Variants in MIB1 observed in about 807,000 individuals in gnomAD.
MIB1 encodes MIB E3 ubiquitin protein ligase 1, also known as E3 ubiquitin-protein ligase MIB1.
A neutral mutation model predicts 124.5 loss-of-function variants in MIB1; 278 were observed. That is an observed-to-expected ratio of 2.23 (90% CI 2.02 to 2.47). The LOEUF (loss-of-function observed/expected upper bound fraction) is 2.47, where lower values mean the gene tolerates loss of function less well. MIB1 is among the 30% of genes most tolerant of loss of function. The pLI, the probability that MIB1 is intolerant of heterozygous loss-of-function variation, is 0.00. For missense variants in MIB1, 957 were observed against 1,254.4 expected (o/e 0.76, Z 3.58); for synonymous variants, 446 against 429.4 (o/e 1.04, Z -0.48).
rs2040852198 is a variant in MIB1 at position 21,741,582 on chromosome 18, CG to C, written c.-1del. ...GCGGCGGAGCCCACCGCCCGGGCCCCGATGAGTAACTCCCGGAATAACCGGG... is the reference window on the plus strand; with the variant it reads ...GCGGCGGAGCCCACCGCCCGGGCCCCATGAGTAACTCCCGGAATAACCGGG... On this transcript the variant is annotated 5_prime_UTR_variant, in exon 1 of 21. Transcript: ENST00000261537. The surrounding 1 kb of genome is among the most constrained non-coding windows in gnomAD (Gnocchi z 5.4). 6.7e-7 allele frequency: 1 copy of C among 1,492,140 alleles called. No homozygotes were observed. Among genetic ancestry groups the C allele is most frequent in the Non-Finnish European group, 8.9e-7 (1 of 1,123,398 alleles). The allele number at this position is 1,492,140 out of a possible 1,614,324, so 92.4% of individuals were successfully genotyped here.
intron 4 of MIB1, among the ~76,000 whole-genome samples, chr18:21,777,657 C>T (rs868756890): frequency 4.6e-5 from 7 of 152,002 alleles, no homozygotes; most frequent in South Asian, 2.1e-4. Flanking sequence ...CGGGTTCAAG[C>T]GATTCTCCTG....
chr18:21,800,137 C>T (rs1338050778), intron 9 of MIB1, among the ~76,000 whole-genome samples, 163 bp downstream of exon 9: 3 of 151,974 alleles, frequency 2.0e-5, no homozygotes, highest in African/African-American at 7.2e-5. Context: ...CTTCAGTGTG[C>T]ATTTCTAAAA....
At chr18:21,864,433 TA>T in intron 20 of MIB1, 92 bp from the exon 21 acceptor site, 1 of 1,031,394 alleles carries the variant, frequency 9.7e-7, no homozygotes, top group Non-Finnish European at 1.4e-6. Context: ...ATTATTTGAC[TA>T]AAACAACTAA....
At chr18:21,851,896 A>G (rs548120951) in intron 17 of MIB1, among the ~76,000 whole-genome samples, 91 of 152,270 alleles carry the variant, frequency 6.0e-4, no homozygotes, top group African/African-American at 2.1e-3. Flanking sequence ...ATAGGTACAG[A>G]TATGGTTTTT....
chr18:21,783,227 A>G lies in MIB1; in HGVS notation c.908+3542A>G, dbSNP rs539056741. The stretch of plus-strand genomic sequence containing the variant: ...TCATTTAAACAATTTTCTTTTACCC[A>G]TTCAGCCACTCTATGCCTTTTTTTT... On this transcript the variant is annotated intron_variant, in intron 6 of 20. Coordinates refer to ENST00000261537, the MANE Select transcript of MIB1 (RefSeq NM_020774.4). Among the ~76,000 whole-genome samples, 126 of 148,090 alleles carry G rather than the reference A, an allele frequency of 8.5e-4. 1 individual carries two copies. Among genetic ancestry groups the G allele is most frequent in the Middle Eastern group, 7.2e-3 (2 of 278 alleles).
chr18:21,786,539 C>A (rs1379469609), intron 6 of MIB1, among the ~76,000 whole-genome samples: 3 of 151,752 alleles, frequency 2.0e-5, no homozygotes, highest in Non-Finnish European at 4.4e-5. Context: ...GCTTCTTACC[C>A]CTTGCTCTTT....
chr18:21,802,927 T>C (rs1410219534), intron 9 of MIB1, among the ~76,000 whole-genome samples: 2 of 152,188 alleles, frequency 1.3e-5, no homozygotes, highest in African/African-American at 2.4e-5. Context: ...TAGTGTTCTG[T>C]CCTTGAGTTT....
rs1338134365 is a variant in MIB1, at chr18:21,773,595, ACTT to A, written c.532-25_532-23del. ...TAAGCTCTTCCCTCCCCTTTAAAAA[ACTT>A]CTTTTCTCAAAAACTATTCTGTTAG... is the stretch of plus-strand genomic sequence containing the variant. On this transcript the variant is annotated intron_variant, in intron 3 of 20. Transcript: ENST00000261537. The A allele has an allele frequency of 3.9e-6, 6 of 1,521,720 alleles. No individual in the cohort carries two copies. In the Admixed American group the frequency reaches 1.1e-4, roughly 28 times the overall value. The allele number at this position is 1,521,720 out of a possible 1,614,324, so 94.3% of individuals were successfully genotyped here.
chr18:21,800,435 A>C (rs1032969423), intron 9 of MIB1, among the ~76,000 whole-genome samples: 2 of 152,138 alleles, frequency 1.3e-5, no homozygotes, highest in Admixed American at 6.6e-5. Flanking sequence ...ATAGTTGACT[A>C]TTTCACAATT....
chr18:21,723,908 C>T (rs1018375013), intron 1 of MIB1, among the ~76,000 whole-genome samples: 4 of 150,900 alleles, frequency 2.7e-5, no homozygotes, highest in African/African-American at 9.8e-5. Flanking sequence ...GATGAGGTCT[C>T]CCTTTATTGC....
At chr18:21,829,783 A>G (rs770248419) in intron 12 of MIB1, among the ~76,000 whole-genome samples, 21 of 152,116 alleles carry the variant, frequency 1.4e-4, no homozygotes, top group Non-Finnish European at 2.9e-4. Context: ...ATTCAAATAG[A>G]TGTAGAAATA....
chr18:21,737,530 ATTAAAC>A (rs2040801697), upstream of MIB1, among the ~76,000 whole-genome samples: 1 of 152,210 alleles, frequency 6.6e-6, no homozygotes, highest in South Asian at 2.1e-4. Context: ...ACATACCAAT[ATTAAAC>A]TTAAATGTAA....
chr18:21,791,870 GTC>G (rs1216157902), intron 7 of MIB1, among the ~76,000 whole-genome samples: 1 of 152,138 alleles, frequency 6.6e-6, no homozygotes, highest in Non-Finnish European at 1.5e-5. Context: ...TGCCCATCTG[GTC>G]TCTAGCAGTG....
At chr18:21,778,004 T>TA in intron 4 of MIB1, 99 bp from the exon 5 acceptor site, 1 of 798,524 alleles carries the variant, frequency 1.3e-6, no homozygotes, top group Non-Finnish European at 2.1e-6. Flanking sequence ...TCTTGATTTC[T>TA]GTTTTGGGTA....
chr18:21,785,780 A>G (rs1177141007), intron 6 of MIB1, among the ~76,000 whole-genome samples: 1 of 152,044 alleles, frequency 6.6e-6, no homozygotes, highest in Non-Finnish European at 1.5e-5. Flanking sequence ...TCCCTTTACT[A>G]TTTCTTATAA....
intron 12 of MIB1, among the ~76,000 whole-genome samples, chr18:21,824,203 G>A (rs929631613): frequency 4.6e-5 from 7 of 152,156 alleles, no homozygotes; most frequent in Admixed American, 1.3e-4. Context: ...ATCACCTGAT[G>A]TGATATATGT....
chr18:21,800,824 C>T lies in MIB1; in HGVS notation c.1371+850C>T, dbSNP rs139523315. On this transcript the variant is annotated intron_variant, in intron 9 of 20. Transcript: ENST00000261537. ...TATAGAGAAATCAATTGTAGCAATA[C>T]AGCACAGCAATTTGTTGATTGGTTA... is the stretch of plus-strand genomic sequence containing the variant. Among the ~76,000 whole-genome samples the T allele has an allele frequency of 9.2e-5, 14 of 152,162 alleles. No homozygotes were observed. The East Asian group carries it at 2.5e-3, about 27-fold the overall frequency.
chr18:21,705,745 A>G (rs190044293), intron 1 of MIB1, among the ~76,000 whole-genome samples: 1 of 152,222 alleles, frequency 6.6e-6, no homozygotes, highest in African/African-American at 2.4e-5. Flanking sequence ...TTTGGCTCCG[A>G]TTTGGTCATT....
rs908909963 is a variant in MIB1, at chr18:21,772,528, T to G, written c.532-1096T>G. 3.3e-5 allele frequency among the ~76,000 whole-genome samples: 5 copies of G among 152,196 alleles called. No individual in the cohort carries two copies. The South Asian group carries it at 1.0e-3, about 32-fold the overall frequency. ...TCATTGGAGCATTTAGAATTTCAGA[T>G]TTTTGGATTTGGGATGCTCTAAGTA... On this transcript the variant is annotated intron_variant, in intron 3 of 20. Coordinates refer to ENST00000261537, the MANE Select transcript of MIB1 (RefSeq NM_020774.4).
Sources: gnomAD v4.1 joint callset for allele counts (sites outside exome capture counted in the v4.1 genomes callset) on GRCh38, gnomAD v4.1.1 for gene constraint, Gnocchi (gnomAD v3.1) non-coding constraint, MANE v1.5 for transcripts, NCBI Gene and HGNC (gene_info 2026-07-23, HGNC 2026-07-21) for gene names.